The following ZNF804B variants were observed in gnomAD, a reference collection of about 807,000 sequenced individuals.
The protein encoded by ZNF804B is zinc finger protein 804B.
Under a neutral mutation model 101.4 loss-of-function variants are expected in ZNF804B, and 80 were observed. The observed-to-expected ratio is 0.79, with a 90% CI of 0.66 to 0.95. ZNF804B has a LOEUF of 0.95. Among genes scored for constraint, ZNF804B ranks in the 40% least tolerant of loss-of-function variants. ZNF804B has a pLI of 0.00. For synonymous variants in ZNF804B, 622 were observed against 558.8 expected (o/e 1.11, Z -1.59); for missense variants, 1,673 against 1,561.9 (o/e 1.07, Z -1.20).
intron 1 of ZNF804B, among the ~76,000 whole-genome samples, chr7:88,798,997 C>A (rs549666113): frequency 6.6e-6 from 1 of 152,074 alleles, no homozygotes; most frequent in East Asian, 1.9e-4. Context: ...AGTCACAGAA[C>A]CTTAATAGAA....
intron 1 of ZNF804B, among the ~76,000 whole-genome samples, chr7:88,962,663 G>C (rs1793402134): frequency 7.1e-6 from 1 of 140,952 alleles, no homozygotes; most frequent in Non-Finnish European, 1.5e-5. Context: ...TTGTGGGATG[G>C]ATTGTCTGCT....
At chr7:89,158,896 T>C (rs1394357432) in intron 1 of ZNF804B, among the ~76,000 whole-genome samples, 1 of 152,160 alleles carries the variant, frequency 6.6e-6, no homozygotes, top group Non-Finnish European at 1.5e-5. Flanking sequence ...TGAACCTCTC[T>C]CTATTGTGAA....
intron 1 of ZNF804B, among the ~76,000 whole-genome samples, chr7:88,929,305 T>G (rs1232022191): frequency 6.6e-6 from 1 of 151,542 alleles, no homozygotes; most frequent in Non-Finnish European, 1.5e-5. Flanking sequence ...TCAAAAAATC[T>G]TAGTGAATCT....
At chr7:89,286,331 G>A (rs1790195689) in intron 2 of ZNF804B, among the ~76,000 whole-genome samples, 1 of 152,114 alleles carries the variant, frequency 6.6e-6, no homozygotes, top group African/African-American at 2.4e-5. Flanking sequence ...CAGTATGAAA[G>A]ATAAACCTGA....
At chr7:89,248,584 A>G (rs1789487190) in intron 2 of ZNF804B, among the ~76,000 whole-genome samples, 2 of 152,178 alleles carry the variant, frequency 1.3e-5, no homozygotes, top group African/African-American at 4.8e-5. Context: ...CAGAAAAGCA[A>G]GAAGTAAGGC....
chr7:88,863,926 C>A (rs1235955120), intron 1 of ZNF804B, among the ~76,000 whole-genome samples: 2 of 152,166 alleles, frequency 1.3e-5, no homozygotes, highest in Non-Finnish European at 2.9e-5. Context: ...TAGGGTGGGG[C>A]TCTGTCTCCT....
At chr7:89,108,074 A>G (rs953303121) in intron 1 of ZNF804B, among the ~76,000 whole-genome samples, 12 of 152,158 alleles carry the variant, frequency 7.9e-5, no homozygotes, top group African/African-American at 2.9e-4. Context: ...CAATCATGAA[A>G]CATCTGAACC....
At chr7:89,249,538 G>A (rs1422627903) in intron 2 of ZNF804B, among the ~76,000 whole-genome samples, 2 of 151,960 alleles carry the variant, frequency 1.3e-5, no homozygotes, top group South Asian at 2.1e-4. Context: ...TGACTTTTGG[G>A]TAAATAACAA....
In ZNF804B at chr7:89,030,964, C is replaced by T. The variant is rs181300720; in HGVS notation, c.109-187191C>T. Among the ~76,000 whole-genome samples, 72 of 150,730 alleles carry T rather than the reference C, an allele frequency of 4.8e-4. No homozygotes were observed. In the East Asian group the frequency reaches 0.013, roughly 27 times the overall value. On this transcript the variant is annotated intron_variant, in intron 1 of 3. Coordinates refer to ENST00000333190, the MANE Select transcript of ZNF804B (RefSeq NM_181646.5). Reference sequence around the variant, plus strand: ...AATGCCCTTCCTTTGGCCTTCATTACTTAGCAAATGCTGGTTTTCCCTTAA... The same window carrying T: ...AATGCCCTTCCTTTGGCCTTCATTATTTAGCAAATGCTGGTTTTCCCTTAA...
chr7:89,040,507 T>C (rs1388593828), intron 1 of ZNF804B, among the ~76,000 whole-genome samples: 2 of 152,192 alleles, frequency 1.3e-5, no homozygotes, highest in Non-Finnish European at 2.9e-5. Context: ...ATTTCATTGA[T>C]ACATTGTTTT....
intron 1 of ZNF804B, among the ~76,000 whole-genome samples, chr7:88,992,395 G>A (rs1015320428): frequency 6.6e-6 from 1 of 152,008 alleles, no homozygotes; most frequent in African/African-American, 2.4e-5. Flanking sequence ...TATTATGGTT[G>A]CTTAACAAAT....
chr7:88,786,714 G>A (rs1790308050), intron 1 of ZNF804B, among the ~76,000 whole-genome samples: 1 of 152,012 alleles, frequency 6.6e-6, no homozygotes, highest in Admixed American at 6.6e-5. Flanking sequence ...CCAGGAAGGA[G>A]CAATTTTTGC....
At chr7:89,167,079 C>T (rs541774543) in intron 1 of ZNF804B, among the ~76,000 whole-genome samples, 1 of 152,012 alleles carries the variant, frequency 6.6e-6, no homozygotes, top group East Asian at 1.9e-4. Context: ...TTATGACATA[C>T]CTTTTTCCTT....
At chr7:88,992,997 G>T (rs988760562) in intron 1 of ZNF804B, among the ~76,000 whole-genome samples, 1 of 151,500 alleles carries the variant, frequency 6.6e-6, no homozygotes, top group Non-Finnish European at 1.5e-5. Context: ...TTAATTATGA[G>T]TGATATTACA....
chr7:89,294,448 G>C (rs1414282925), intron 2 of ZNF804B, among the ~76,000 whole-genome samples: 1 of 152,116 alleles, frequency 6.6e-6, no homozygotes, highest in Non-Finnish European at 1.5e-5. Flanking sequence ...CTCTATAAGA[G>C]ATCAGTTGGG....
chr7:88,827,522 G>T (rs1791066859), intron 1 of ZNF804B, among the ~76,000 whole-genome samples: 1 of 151,786 alleles, frequency 6.6e-6, no homozygotes, highest in African/African-American at 2.4e-5. Context: ...TTGTCTTCAT[G>T]GTGTTCCAGT....
intron 1 of ZNF804B, among the ~76,000 whole-genome samples, chr7:89,185,532 A>T (rs1249036481): frequency 1.3e-5 from 2 of 152,142 alleles, no homozygotes; most frequent in Non-Finnish European, 2.9e-5. Flanking sequence ...TTCGTCTTCA[A>T]GTCTCAAAGT....
At position 88,893,437 on chromosome 7, in the gene ZNF804B, G is replaced by A. The variant is rs140006151; in HGVS notation, c.108+133353G>A. Among the ~76,000 whole-genome samples, 58 of 152,014 alleles carry A rather than the reference G, an allele frequency of 3.8e-4. No individual in the cohort carries two copies. The East Asian group carries it at 7.1e-3, about 19-fold the overall frequency. On this transcript the variant is annotated intron_variant, in intron 1 of 3. Coordinates refer to ENST00000333190, the MANE Select transcript of ZNF804B (RefSeq NM_181646.5). ...AATTATTTTAAAAATATTGATGTATGTATTTAATAAATACATACCCTGCCT... is the reference window on the plus strand; with the variant it reads ...AATTATTTTAAAAATATTGATGTATATATTTAATAAATACATACCCTGCCT...
Position 89,334,449 on chromosome 7 carries a change from G to A in ZNF804B, c.1467G>A (p.Lys489=), listed in dbSNP as rs371079408. The change falls in exon 4 of 4, where the codon AAG becomes AAA. Residue 489 remains lysine (K), a synonymous_variant. Coordinates refer to ENST00000333190, the MANE Select transcript of ZNF804B (RefSeq NM_181646.5). ...ATTTTAAGCTTTCTCGGAACACAAA[G>A]GAAGACCACAATCTAGAGGACTTAA... The part of the protein sequence containing the change: ...YFDFKLSRNT[K]EDHNLEDLKT... The A allele has an allele frequency of 4.5e-5, 72 of 1,613,572 alleles. No individual in the cohort carries two copies. In the African/African-American group the frequency reaches 9.3e-4, roughly 21 times the overall value.
Sources: gnomAD v4.1 joint callset for allele counts (sites outside exome capture counted in the v4.1 genomes callset) on GRCh38, gnomAD v4.1.1 for gene constraint, MANE v1.5 for transcripts, NCBI Gene and HGNC (gene_info 2026-07-23, HGNC 2026-07-21) for gene names.